SYCP2L: variants seen among roughly 807,000 people sequenced by gnomAD.
SYCP2L encodes the protein synaptonemal complex protein 2 like.
Under a neutral mutation model 125.8 loss-of-function variants are expected in SYCP2L, and 98 were observed. The observed-to-expected ratio is 0.78, with a 90% CI of 0.66 to 0.92. The LOEUF (loss-of-function observed/expected upper bound fraction) is 0.92, where lower values mean the gene tolerates loss of function less well. Ranked by LOEUF, SYCP2L falls within the 40% of genes least tolerant of loss-of-function variation. The pLI is 0.00. For synonymous variants in SYCP2L, 317 were observed against 325.4 expected (o/e 0.97, Z 0.28); for missense variants, 842 against 936.4 (o/e 0.90, Z 1.32).
At chr6:10,923,253 G>A (rs1043979092) in intron 14 of SYCP2L, among the ~76,000 whole-genome samples, 4 of 151,956 alleles carry the variant, frequency 2.6e-5, no homozygotes, top group African/African-American at 9.7e-5. Context: ...ACTTAATGTG[G>A]TGTATTCTTG....
intron 14 of SYCP2L, among the ~76,000 whole-genome samples, chr6:10,914,241 GGCTT>G (rs1780652780): frequency 6.6e-6 from 1 of 152,016 alleles, no homozygotes; most frequent in African/African-American, 2.4e-5. Context: ...TCCTACATGT[GGCTT>G]GCTAATTATC....
rs754081567 is a variant in SYCP2L at position 10,961,409 on chromosome 6, G to A, written c.2355+5G>A. 7.4e-6 allele frequency: 12 copies of A among 1,614,078 alleles called. No individual in the cohort carries two copies. Among genetic ancestry groups the A allele is most frequent in the Non-Finnish European group, 1.0e-5 (12 of 1,179,950 alleles). ...CACCTTGAGAAGGAGGTTCTGGTAA[G>A]TTCTTTTTGTGTGGAACATTTTCTG... On this transcript the variant is annotated splice_donor_5th_base_variant and intron_variant, in intron 27 of 29. Coordinates refer to ENST00000283141, the MANE Select transcript of SYCP2L (RefSeq NM_001040274.3).
intron 14 of SYCP2L, among the ~76,000 whole-genome samples, chr6:10,918,508 C>T (rs556147281): frequency 2.5e-4 from 38 of 151,688 alleles, no homozygotes; most frequent in Middle Eastern, 3.4e-3. Flanking sequence ...TGGGTGAATT[C>T]GAAGACCTTG....
At chr6:10,960,717 C>A (rs1561702212) in intron 26 of SYCP2L, among the ~76,000 whole-genome samples, 1 of 151,872 alleles carries the variant, frequency 6.6e-6, no homozygotes, top group Admixed American at 6.6e-5. Flanking sequence ...TCTCATCTTC[C>A]CTGGAGTCAT....
intron 4 of SYCP2L, among the ~76,000 whole-genome samples, 195 bp from the exon 5 acceptor site, chr6:10,897,816 G>GTAAGCATACT (rs1439694735): frequency 3.3e-5 from 5 of 152,124 alleles, no homozygotes; most frequent in African/African-American, 1.2e-4. Flanking sequence ...GCTTACTTAT[G>GTAAGCATACT]ACAGCTCTGT....
chr6:10,937,557 G>A (rs1287666053), intron 21 of SYCP2L, among the ~76,000 whole-genome samples: 13 of 152,146 alleles, frequency 8.5e-5, no homozygotes, highest in African/African-American at 3.1e-4. Flanking sequence ...TCAGCTTAAC[G>A]AAGAAAATAA....
chr6:10,952,555 T>C lies in SYCP2L; in HGVS notation c.1955-2561T>C, dbSNP rs1249128753. Among the ~76,000 whole-genome samples the C allele has an allele frequency of 2.7e-5, 4 of 149,214 alleles. No individual in the cohort carries two copies. The East Asian group carries it at 8.0e-4, about 30-fold the overall frequency. On this transcript the variant is annotated intron_variant, in intron 23 of 29. Transcript: ENST00000283141. ...GAACATTGAAATTCAAGGACAAACT[T>C]TGGGCTATTGCTACAAATTTGCCAC...
intron 10 of SYCP2L, among the ~76,000 whole-genome samples, chr6:10,907,897 T>TTTTTTTTTGTTTTTTG (rs2113312895): frequency 7.8e-6 from 1 of 127,890 alleles, no homozygotes; most frequent in African/African-American, 3.3e-5. Flanking sequence ...GATAGGTTTT[T>TTTTTTTTTGTTTTTTG]TTTTTTTTTT....
At chr6:10,949,596 A>G (rs1007264481) in intron 23 of SYCP2L, among the ~76,000 whole-genome samples, 1 of 151,860 alleles carries the variant, frequency 6.6e-6, no homozygotes, top group African/African-American at 2.4e-5. Flanking sequence ...TCTATTTTAT[A>G]TGTTTTGAGG....
intron 23 of SYCP2L, among the ~76,000 whole-genome samples, chr6:10,944,054 G>T (rs1781269183): frequency 6.6e-6 from 1 of 152,120 alleles, no homozygotes; most frequent in Admixed American, 6.5e-5. Flanking sequence ...ATCTTGTCTA[G>T]GCACATTTTT....
At chr6:10,968,677 C>G (rs1040168493) in intron 29 of SYCP2L, among the ~76,000 whole-genome samples, 3 of 152,068 alleles carry the variant, frequency 2.0e-5, no homozygotes, top group African/African-American at 7.2e-5. Flanking sequence ...AGAGAAAGAC[C>G]TCAGGGAGTG....
chr6:10,902,510 A>C (rs1438793983), intron 6 of SYCP2L, among the ~76,000 whole-genome samples, 167 bp from the exon 7 acceptor site: 4 of 152,222 alleles, frequency 2.6e-5, no homozygotes, highest in Non-Finnish European at 5.9e-5. Context: ...CACAACCCTT[A>C]ATACCAGAAG....
intron 14 of SYCP2L, among the ~76,000 whole-genome samples, chr6:10,919,605 A>G (rs192535549): frequency 6.6e-6 from 1 of 152,258 alleles, no homozygotes; most frequent in East Asian, 1.9e-4. Flanking sequence ...TAGTGTAGGG[A>G]GGAACAGGCG....
At chr6:10,970,977 TGTG>T (rs1409376328) in intron 29 of SYCP2L, among the ~76,000 whole-genome samples, 1 of 151,948 alleles carries the variant, frequency 6.6e-6, no homozygotes, top group Non-Finnish European at 1.5e-5. Context: ...TAAGATCAAG[TGTG>T]GAGATAACTG....
chr6:10,917,544 G>A (rs1349277079), intron 14 of SYCP2L, among the ~76,000 whole-genome samples: 4 of 152,116 alleles, frequency 2.6e-5, no homozygotes, highest in Non-Finnish European at 2.9e-5. Flanking sequence ...GTCCTTATGT[G>A]TTAGGTGAGT....
At chr6:10,921,490 C>T (rs1780799586) in intron 14 of SYCP2L, among the ~76,000 whole-genome samples, 1 of 152,158 alleles carries the variant, frequency 6.6e-6, no homozygotes, top group South Asian at 2.1e-4. Context: ...AATTTACGCT[C>T]CCACCAACAG....
rs1464741872 is a variant in SYCP2L, at chr6:10,954,987, G to A, written c.1955-129G>A. The stretch of plus-strand genomic sequence containing the variant: ...TTGGTTTGTGCCTAGTCGATGCACC[G>A]AATGATAACTCATTAGCAACAGGCA... On this transcript the variant is annotated intron_variant, in intron 23 of 29. Coordinates refer to ENST00000283141, the MANE Select transcript of SYCP2L (RefSeq NM_001040274.3). The surrounding 1 kb of genome is among the most constrained non-coding windows in gnomAD (Gnocchi z 4.8). The A allele has an allele frequency of 6.0e-6, 4 of 671,984 alleles. No individual in the cohort carries two copies. In the East Asian group the frequency reaches 7.7e-5, roughly 13 times the overall value. The allele number at this position is 671,984 out of a possible 1,614,324, so 41.6% of individuals were successfully genotyped here.
chr6:10,941,584 C>A (rs1300566291), intron 21 of SYCP2L, among the ~76,000 whole-genome samples: 1 of 152,204 alleles, frequency 6.6e-6, no homozygotes, highest in African/African-American at 2.4e-5. Context: ...AAATGCAAAT[C>A]AAAACCGCAA....
At chr6:10,909,495 A>T (rs757371648) in intron 10 of SYCP2L, among the ~76,000 whole-genome samples, 3 of 152,142 alleles carry the variant, frequency 2.0e-5, no homozygotes, top group African/African-American at 4.8e-5. Flanking sequence ...GTAGATCAGG[A>T]GCATAAGGAG....
Sources: allele counts gnomAD v4.1 joint callset (sites outside exome capture counted in the v4.1 genomes callset), GRCh38; gene constraint gnomAD v4.1.1; non-coding constraint Gnocchi (gnomAD v3.1); transcripts MANE v1.5; gene names NCBI Gene and HGNC (gene_info 2026-07-23, HGNC 2026-07-21).